Variants in DES observed in about 807,000 individuals in gnomAD.
DES encodes the protein desmin.
Under a neutral mutation model 55.1 loss-of-function variants are expected in DES, and 34 were observed. That is an observed-to-expected ratio of 0.62 (90% CI 0.47 to 0.82). The LOEUF is 0.82. Among genes scored for constraint, DES ranks in the 40% least tolerant of loss-of-function variants. The pLI is 0.00. For missense variants in DES, 596 were observed against 645.9 expected, an observed-to-expected ratio of 0.92 and a Z score of 0.84; for synonymous variants, 259 against 270.8, an observed-to-expected ratio of 0.96 and a Z score of 0.43.
rs1247648550 is a variant in DES, at chr2:219,418,769, A to G, written c.307A>G (p.Thr103Ala). Residue 103 changes from threonine (T) to alanine (A), a missense_variant, in exon 1 of 9, where the codon ACC (threonine) becomes GCC (alanine). Transcript: ENST00000373960. ...CGACGCGGTGAACCAGGAGTTTCTGACCACGCGCACCAACGAGAAGGTGGA... is the reference window on the plus strand; with the variant it reads ...CGACGCGGTGAACCAGGAGTTTCTGGCCACGCGCACCAACGAGAAGGTGGA... ...LADAVNQEFL[T>A]TRTNEKVELQ... The G allele has an allele frequency of 6.4e-7, 1 of 1,562,582 alleles. No individual in the cohort carries two copies. The highest frequency in any genetic ancestry group is 8.7e-7 in the Non-Finnish European group (1 of 1,152,786).
rs969392028 is a variant in DES at position 219,419,050 on chromosome 2, C to T, written c.578+10C>T. 11 of 1,537,710 alleles carry T rather than the reference C, an allele frequency of 7.2e-6. No individual in the cohort carries two copies. Among genetic ancestry groups the T allele is most frequent in the East Asian group, 2.4e-5 (1 of 40,890 alleles). On this transcript the variant is annotated intron_variant, in intron 1 of 8. Coordinates refer to ENST00000373960, the MANE Select transcript of DES (RefSeq NM_001927.4). This position sits in a 1 kb window ranked among gnomAD's most constrained non-coding sequence, Gnocchi z 4.3. ...AGCGGCTCAAGGCCAAGTGAGGGCC[C>T]GGCACCCCAGACTCCTCTTTCTGCG...
chr2:219,419,985 A>G lies in DES; in HGVS notation c.579-110A>G. On this transcript the variant is annotated intron_variant, in intron 1 of 8. Transcript: ENST00000373960. This position sits in a 1 kb window ranked among gnomAD's most constrained non-coding sequence, Gnocchi z 4.3. The stretch of plus-strand genomic sequence containing the variant: ...TCTCTCCTGCCTCTACCCAGCAGCC[A>G]GGCCCTCCCGCTCTGTCCTGGACCC... The G allele has an allele frequency of 8.6e-7, 1 of 1,168,906 alleles. No individual in the cohort carries two copies. 72.4% of individuals were successfully genotyped at this position (1,168,906 alleles called of 1,614,324 possible). A position where few individuals can be genotyped will look rare whatever the true frequency, so the allele number is the denominator to read the frequency against.
At chr2:219,425,598 C>A in intron 7 of DES, 65 bp from the exon 8 acceptor site, 1 of 1,458,066 alleles carries the variant, frequency 6.9e-7, no homozygotes, top group Non-Finnish European at 9.4e-7. Context: ...CAGATGGACT[C>A]CCAGCCCCTG....
intron 6 of DES, among the ~76,000 whole-genome samples, 179 bp downstream of exon 6, chr2:219,421,739 T>C (rs553963597): frequency 6.0e-4 from 92 of 152,142 alleles, no homozygotes; most frequent in Non-Finnish European, 1.2e-3. Context: ...CCATCTTGGC[T>C]CACTGCAACC....
At chr2:219,423,441 CTTTT>C (rs537614128) in intron 6 of DES, among the ~76,000 whole-genome samples, 2 of 133,558 alleles carry the variant, frequency 1.5e-5, no homozygotes. Flanking sequence ...TGGGAGGGTT[CTTTT>C]TTTTTTTTTT....
At position 219,419,009 on chromosome 2, in the gene DES, C is replaced by T; in HGVS notation, c.547C>T (p.Leu183=). The change falls in exon 1 of 9, where the codon CTG becomes TTG. Residue 183 remains leucine, a synonymous_variant. Coordinates refer to ENST00000373960, the MANE Select transcript of DES (RefSeq NM_001927.4). This position sits in a 1 kb window ranked among gnomAD's most constrained non-coding sequence, Gnocchi z 4.3. ...GCGCGTCGACGTCGAGCGCGACAAC[C>T]TGCTCGACGACCTGCAGCGGCTCAA... is the stretch of plus-strand genomic sequence containing the variant. ...RARVDVERDN[L]LDDLQRLKAK... is the part of the protein sequence containing the mutation. 1 of 1,546,764 alleles carries T rather than the reference C, an allele frequency of 6.5e-7. No homozygotes were observed. The highest frequency in any genetic ancestry group is 8.7e-7 in the Non-Finnish European group (1 of 1,147,554).
rs1954491192 is a variant in DES, at chr2:219,423,933, C to G, written c.1288+113C>G. On this transcript the variant is annotated intron_variant, in intron 7 of 8. Coordinates refer to ENST00000373960, the MANE Select transcript of DES (RefSeq NM_001927.4). ...TGGGACCCTGGGGCTAGGGACAGAC[C>G]TGGAGTCTGGGGAAGAAAAAGGGGA... 1.1e-5 allele frequency: 13 copies of G among 1,226,634 alleles called. 1 individual carries two copies. In the South Asian group the frequency reaches 1.4e-4, roughly 14 times the overall value. The allele number at this position is 1,226,634 out of a possible 1,614,324, so 76.0% of individuals were successfully genotyped here. A position where few individuals can be genotyped will look rare whatever the true frequency, so the allele number is the denominator to read the frequency against.
chr2:219,422,196 G>A (rs1476684336), intron 6 of DES, among the ~76,000 whole-genome samples: 1 of 152,144 alleles, frequency 6.6e-6, no homozygotes, highest in African/African-American at 2.4e-5. Flanking sequence ...GGGGAGTGAT[G>A]AGGAGGGAAA....
chr2:219,425,574 G>T (rs965876617), intron 7 of DES, 89 bp from the exon 8 acceptor site: 1 of 1,173,470 alleles, frequency 8.5e-7, no homozygotes, highest in African/African-American at 1.5e-5. Context: ...CTAGGGCTCT[G>T]CCCAATGTGG....
chr2:219,420,709 G>A lies in DES; in HGVS notation c.897+53G>A. ...TCTCCGTCCCCCTGAATCCCAGCTT[G>A]GATGTGCTGCCTGTGGTACCATCCA... On this transcript the variant is annotated intron_variant, in intron 4 of 8. Transcript: ENST00000373960. This position sits in a 1 kb window ranked among gnomAD's most constrained non-coding sequence, Gnocchi z 6.0. 6.2e-7 allele frequency: 1 copy of A among 1,613,870 alleles called. No homozygotes were observed. Among genetic ancestry groups the A allele is most frequent in the Non-Finnish European group, 8.5e-7 (1 of 1,179,950 alleles).
At chr2:219,424,231 G>A (rs1355320481) in intron 7 of DES, among the ~76,000 whole-genome samples, 1 of 152,196 alleles carries the variant, frequency 6.6e-6, no homozygotes, top group African/African-American at 2.4e-5. Context: ...CCCCACCTTG[G>A]CTGCTTGTCG....
chr2:219,421,724 T>G (rs987323473), intron 6 of DES, among the ~76,000 whole-genome samples, 164 bp downstream of exon 6: 1 of 151,928 alleles, frequency 6.6e-6, no homozygotes, highest in Non-Finnish European at 1.5e-5. Flanking sequence ...TGGAGTGCAA[T>G]GGCACCATCT....
Position 219,425,682 on chromosome 2 carries a change from G to C in DES, c.1308G>C (p.Arg436Ser), listed in dbSNP as rs985185092. 12 of 1,586,966 alleles carry C rather than the reference G, an allele frequency of 7.6e-6. No homozygotes were observed. Among genetic ancestry groups the C allele is most frequent in the Non-Finnish European group, 1.0e-5 (12 of 1,166,470 alleles). Residue 436 changes from arginine to serine, a missense_variant, in exon 8 of 9, where the codon AGG becomes AGC. By Grantham distance (110) the Arg-to-Ser change is moderately radical. Transcript: ENST00000373960. Reference sequence around the variant, plus strand: ...TTACAGAAACCAGCCCTGAGCAAAGGGGTTCTGAGGTCCATACCAAGAAGA... The same window carrying C: ...TTACAGAAACCAGCCCTGAGCAAAGCGGTTCTGAGGTCCATACCAAGAAGA... ...LNFRETSPEQ[R>S]GSEVHTKKTV...
rs1247063670 is a variant in DES, at chr2:219,420,883, A to G, written c.953A>G (p.Lys318Arg). 1 of 1,613,958 alleles carries G rather than the reference A, an allele frequency of 6.2e-7. No individual in the cohort carries two copies. The highest frequency in any genetic ancestry group is 1.1e-5 in the South Asian group (1 of 91,078). Residue 318 changes from lysine to arginine, a missense_variant, in exon 5 of 9, where the codon AAG becomes AGG. Lys to Arg is a conservative substitution (Grantham distance 26). Transcript: ENST00000373960. The surrounding 1 kb of genome is among the most constrained non-coding windows in gnomAD (Gnocchi z 6.0). ...NKNNDALRQA[K>R]QEMMEYRHQI... ...AACAACGACGCCCTGCGCCAGGCCA[A>G]GCAGGAGATGATGGAATACCGACAC...
intron 5 of DES, 114 bp downstream of exon 5, chr2:219,421,067 C>T (rs1954432265): frequency 5.5e-6 from 8 of 1,444,034 alleles, no homozygotes; most frequent in Non-Finnish European, 5.7e-6. Flanking sequence ...CTACTTAAAT[C>T]TACAATAGGG....
chr2:219,424,218 A>G (rs1043232671), intron 7 of DES, among the ~76,000 whole-genome samples: 16 of 152,206 alleles, frequency 1.1e-4, no homozygotes, highest in African/African-American at 3.9e-4. Flanking sequence ...GCACATTGCC[A>G]AGCCCCACCT....
At position 219,421,889 on chromosome 2, in the gene DES, C is replaced by G. The variant is rs1954452309; in HGVS notation, c.1244+329C>G. ...ACTATGTTGGGCAGCTGGTCTCGAA[C>G]TCCTGACCTCAGGTGATCTGCCTAC... On this transcript the variant is annotated intron_variant, in intron 6 of 8. Coordinates refer to ENST00000373960, the MANE Select transcript of DES (RefSeq NM_001927.4). Among the ~76,000 whole-genome samples, 3 of 152,118 alleles carry G rather than the reference C, an allele frequency of 2.0e-5. No homozygotes were observed. In the South Asian group the frequency reaches 6.2e-4, roughly 32 times the overall value.
At position 219,421,514 on chromosome 2, in the gene DES, G is replaced by A; in HGVS notation, c.1198G>A (p.Val400Met). Residue 400 changes from valine (V) to methionine (M), a missense_variant, in exon 6 of 9, where the codon GTG (valine) becomes ATG (methionine). Physicochemically the swap from Val to Met is conservative, Grantham distance 21. Transcript: ENST00000373960. ...DLLNVKMALD[V>M]EIATYRKLLE... ...GCTCAACGTGAAGATGGCCCTGGAT[G>A]TGGAGATTGCCACCTACCGGAAGCT... 1.9e-6 allele frequency: 3 copies of A among 1,614,128 alleles called. No homozygotes were observed. Among genetic ancestry groups the A allele is most frequent in the South Asian group, 1.1e-5 (1 of 91,080 alleles).
intron 7 of DES, 55 bp downstream of exon 7, chr2:219,423,875 T>G: frequency 6.3e-7 from 1 of 1,592,794 alleles, no homozygotes; most frequent in South Asian, 1.1e-5. Context: ...GAGTCCAGCA[T>G]GGGCACTGCC....
Sources: allele counts gnomAD v4.1 joint callset (sites outside exome capture counted in the v4.1 genomes callset), GRCh38; gene constraint gnomAD v4.1.1; non-coding constraint Gnocchi (gnomAD v3.1); transcripts MANE v1.5; gene names NCBI Gene and HGNC (gene_info 2026-07-23, HGNC 2026-07-21).